ATOSA: variants seen among roughly 807,000 people sequenced by gnomAD.
The protein encoded by ATOSA is atos homolog protein A.
the ATOSA span, among the ~76,000 whole-genome samples, chr15:52,703,699 G>A: frequency 6.6e-6 from 1 of 152,038 alleles, no homozygotes; most frequent in Non-Finnish European, 1.5e-5. Flanking sequence ...TTAGGGGGTG[G>A]GGGGCTAGGG....
the ATOSA span, among the ~76,000 whole-genome samples, chr15:52,634,985 G>A: frequency 6.6e-6 from 1 of 152,094 alleles, no homozygotes; most frequent in African/African-American, 2.4e-5. Flanking sequence ...CTAATCAAAA[G>A]AAAGCTGGAA....
the ATOSA span, among the ~76,000 whole-genome samples, chr15:52,661,685 T>C: frequency 2.6e-5 from 4 of 152,126 alleles, no homozygotes; most frequent in African/African-American, 7.2e-5. Flanking sequence ...CCCTGGTAAA[T>C]ACCTCAATTC....
At chr15:52,658,708 G>T in the ATOSA span, 13 of 285,828 alleles carry the variant, frequency 4.5e-5, no homozygotes, top group Non-Finnish European at 6.7e-5. Flanking sequence ...GCTCATGCTT[G>T]TAATTCCAGA....
chr15:52,610,724 GT>G, the ATOSA span, among the ~76,000 whole-genome samples: 2 of 152,176 alleles, frequency 1.3e-5, no homozygotes, highest in Non-Finnish European at 2.9e-5. Context: ...ATTGTGCAAG[GT>G]GATTAAGAGA....
At chr15:52,692,672 C>T in the ATOSA span, among the ~76,000 whole-genome samples, 3 of 151,820 alleles carry the variant, frequency 2.0e-5, no homozygotes, top group Non-Finnish European at 4.4e-5. Flanking sequence ...ACCTCTTTTT[C>T]TTCTTAGAGA....
chr15:52,669,308 A>C, the ATOSA span, among the ~76,000 whole-genome samples: 1 of 152,160 alleles, frequency 6.6e-6, no homozygotes, highest in South Asian at 2.1e-4. Context: ...AAAATGAATA[A>C]TTTTTTGTAT....
the ATOSA span, among the ~76,000 whole-genome samples, chr15:52,685,467 T>C: frequency 2.0e-4 from 31 of 152,208 alleles, no homozygotes; most frequent in African/African-American, 7.2e-4. Context: ...AGGGTCTTGC[T>C]CTGTTGCCTA....
At chr15:52,633,997 G>C in the ATOSA span, among the ~76,000 whole-genome samples, 2 of 151,996 alleles carry the variant, frequency 1.3e-5, no homozygotes, top group Non-Finnish European at 1.5e-5. Context: ...ATTGCTTGGA[G>C]GTAGCCTATA....
At chr15:52,597,144 T>G in the ATOSA span, among the ~76,000 whole-genome samples, 1 of 152,070 alleles carries the variant, frequency 6.6e-6, no homozygotes, top group Admixed American at 6.5e-5. Context: ...TAAACTATTC[T>G]ATTTTATTCT....
the ATOSA span, among the ~76,000 whole-genome samples, chr15:52,655,140 T>C: frequency 6.6e-6 from 1 of 152,150 alleles, no homozygotes; most frequent in Non-Finnish European, 1.5e-5. Context: ...ATCTAATATA[T>C]GTGCCCTTAA....
chr15:52,685,839 G>A, the ATOSA span, among the ~76,000 whole-genome samples: 1 of 152,226 alleles, frequency 6.6e-6, no homozygotes, highest in South Asian at 2.1e-4. Flanking sequence ...TCTGGAGTAG[G>A]TAGGCCTACA....
the ATOSA span, among the ~76,000 whole-genome samples, chr15:52,596,594 G>T: frequency 6.6e-6 from 1 of 152,184 alleles, no homozygotes; most frequent in South Asian, 2.1e-4. Context: ...TCACCCAGGG[G>T]ATATATGGTA....
chr15:52,632,539 C>T, the ATOSA span, among the ~76,000 whole-genome samples: 1 of 152,082 alleles, frequency 6.6e-6, no homozygotes, highest in Non-Finnish European at 1.5e-5. Context: ...AATAATAATT[C>T]TTACCCCTAA....
the ATOSA span, among the ~76,000 whole-genome samples, chr15:52,684,634 G>T: frequency 2.0e-5 from 3 of 152,282 alleles, no homozygotes; most frequent in Non-Finnish European, 4.4e-5. Context: ...TTTTACACTT[G>T]ATCTTAGCCA....
the ATOSA span, among the ~76,000 whole-genome samples, chr15:52,662,355 A>G: frequency 6.6e-6 from 1 of 152,192 alleles, no homozygotes; most frequent in African/African-American, 2.4e-5. Flanking sequence ...GCCAGCAATT[A>G]TCTGGAATGA....
chr15:52,671,258 C>A, the ATOSA span, among the ~76,000 whole-genome samples: 1 of 151,990 alleles, frequency 6.6e-6, no homozygotes, highest in Admixed American at 6.6e-5. Context: ...GGATAGTATC[C>A]TTAACTGTAT....
At chr15:52,607,530 T>A in the ATOSA span, among the ~76,000 whole-genome samples, 8 of 152,002 alleles carry the variant, frequency 5.3e-5, no homozygotes, top group Non-Finnish European at 8.8e-5. Flanking sequence ...GAGACTGGGG[T>A]GGGGGCGCCA....
chr15:52,602,719 A>T, the ATOSA span, among the ~76,000 whole-genome samples: 10 of 152,302 alleles, frequency 6.6e-5, no homozygotes, highest in Admixed American at 6.5e-4. Flanking sequence ...CCACCCGAGT[A>T]AATAGATGGA....
chr15:52,601,278 T>C, the ATOSA span: 7 of 641,610 alleles, frequency 1.1e-5, no homozygotes, highest in African/African-American at 1.9e-5. Context: ...ATATTACAAC[T>C]TCTCCTATAA....
Sources: gnomAD v4.1 joint callset for allele counts (sites outside exome capture counted in the v4.1 genomes callset) on GRCh38, gnomAD v4.1.1 for gene constraint, MANE v1.5 for transcripts, NCBI Gene and HGNC (gene_info 2026-07-23, HGNC 2026-07-21) for gene names.